The following SCARA5 variants were observed in gnomAD, a reference collection of about 807,000 sequenced individuals.
SCARA5 encodes the protein scavenger receptor class A, member 5 (putative).
A neutral mutation model predicts 46.3 loss-of-function variants in SCARA5; 45 were observed. The ratio of observed to expected loss-of-function variants is 0.97; its 90% CI spans 0.76 to 1.24. SCARA5 has a LOEUF of 1.24. Ranked by LOEUF, SCARA5 falls within the 50% of genes most tolerant of loss-of-function variation. The pLI is 0.00. For synonymous variants in SCARA5, 333 were observed against 306.5 expected (o/e 1.09, Z -0.90); for missense variants, 680 against 689.0 (o/e 0.99, Z 0.15).
At chr8:27,949,754 G>T (rs1225972856) in intron 3 of SCARA5, among the ~76,000 whole-genome samples, 4 of 152,226 alleles carry the variant, frequency 2.6e-5, no homozygotes, top group African/African-American at 9.6e-5. Context: ...CCCCTGCCTG[G>T]CAGTGTCTCA....
intron 2 of SCARA5, among the ~76,000 whole-genome samples, chr8:27,973,484 T>C (rs1808477372): frequency 1.3e-5 from 2 of 152,048 alleles, no homozygotes; most frequent in African/African-American, 4.8e-5. Flanking sequence ...CTCAAATAAA[T>C]AAATTAATTA....
chr8:27,871,706 T>A lies in SCARA5; in HGVS notation c.*228A>T, dbSNP rs1373720450. The A allele has an allele frequency of 1.4e-6, 2 of 1,390,222 alleles. No individual in the cohort carries two copies. Among genetic ancestry groups the A allele is most frequent in the Non-Finnish European group, 1.9e-6 (2 of 1,072,440 alleles). The allele number at this position is 1,390,222 out of a possible 1,614,324, so 86.1% of individuals were successfully genotyped here. A position where few individuals can be genotyped will look rare whatever the true frequency, so the allele number is the denominator to read the frequency against. ...GATCAGGGCTCCTCATGCAGGAACC[T>A]GGTGGAAGAGAGAGACGGGCAGTAG... On this transcript the variant is annotated 3_prime_UTR_variant, in exon 9 of 9. Coordinates refer to ENST00000354914, the MANE Select transcript of SCARA5 (RefSeq NM_173833.6).
At chr8:27,982,126 A>G (rs1435108785) in intron 2 of SCARA5, among the ~76,000 whole-genome samples, 1 of 152,058 alleles carries the variant, frequency 6.6e-6, no homozygotes, top group Non-Finnish European at 1.5e-5. Context: ...TGTGTAACTC[A>G]TTACCCCCAG....
At chr8:27,987,968 G>A (rs765152781) in intron 1 of SCARA5, among the ~76,000 whole-genome samples, 8 of 152,204 alleles carry the variant, frequency 5.3e-5, no homozygotes, top group Non-Finnish European at 1.2e-4. Flanking sequence ...GTGGGGCCAG[G>A]AGGAGGGAAC....
chr8:27,946,940 T>TC (rs35171688), intron 3 of SCARA5, among the ~76,000 whole-genome samples: 42,625 of 151,776 alleles, frequency 0.28, 6,093 homozygotes, highest in East Asian at 0.36. Context: ...TTGTTTTTTT[T>TC]CACTGTTCTC....
In SCARA5 at chr8:27,950,827, G is replaced by A. The variant is rs761499439; in HGVS notation, c.241+15587C>T. 2.8e-4 allele frequency among the ~76,000 whole-genome samples: 42 copies of A among 148,540 alleles called. 1 individual carries two copies. In the Middle Eastern group the frequency reaches 0.014, roughly 49 times the overall value. ...ACAGCACCTCTGTACCCATTCAACCGATCGGAACGAGCTCTGTGACAAAAC... is the reference window on the plus strand; with the variant it reads ...ACAGCACCTCTGTACCCATTCAACCAATCGGAACGAGCTCTGTGACAAAAC... On this transcript the variant is annotated intron_variant, in intron 3 of 8. Transcript: ENST00000354914.
chr8:27,950,600 G>A (rs1808108744), intron 3 of SCARA5, among the ~76,000 whole-genome samples: 1 of 152,180 alleles, frequency 6.6e-6, no homozygotes, highest in Non-Finnish European at 1.5e-5. Flanking sequence ...TGACCCAGAA[G>A]GAGGGACATG....
chr8:27,951,061 A>G (rs192804671), intron 3 of SCARA5, among the ~76,000 whole-genome samples: 1 of 152,228 alleles, frequency 6.6e-6, no homozygotes, highest in Non-Finnish European at 1.5e-5. Context: ...TCCCCACTTT[A>G]CAGATAAGAA....
chr8:27,991,845 G>GCACACA, intron 1 of SCARA5, among the ~76,000 whole-genome samples: 1 of 150,194 alleles, frequency 6.7e-6, no homozygotes, highest in South Asian at 2.1e-4. Context: ...GCACAGACAT[G>GCACACA]CACACACACA....
chr8:27,976,555 G>A (rs1253347662), intron 2 of SCARA5, among the ~76,000 whole-genome samples: 1 of 152,068 alleles, frequency 6.6e-6, no homozygotes, highest in Non-Finnish European at 1.5e-5. Context: ...CCACCTCCTG[G>A]GTCCACTTTG....
At chr8:27,955,776 C>T (rs1035778755) in intron 3 of SCARA5, among the ~76,000 whole-genome samples, 1 of 152,224 alleles carries the variant, frequency 6.6e-6, no homozygotes, top group Non-Finnish European at 1.5e-5. Context: ...ATCTAAAATT[C>T]AAGTTACTGG....
At chr8:27,879,814 C>T (rs1264071733) in intron 7 of SCARA5, 48 bp from the exon 8 acceptor site, 2 of 1,587,350 alleles carry the variant, frequency 1.3e-6, no homozygotes, top group South Asian at 2.2e-5. Context: ...TACACCAGGA[C>T]CCGCCCCCAG....
At chr8:27,909,612 G>C (rs1370877219) in intron 5 of SCARA5, 51 bp downstream of exon 5, 1 of 1,279,742 alleles carries the variant, frequency 7.8e-7, no homozygotes, top group Non-Finnish European at 1.1e-6. Context: ...GTAGCGGGTA[G>C]AGATGGATTG....
At chr8:27,981,489 C>T (rs1477421667) in intron 2 of SCARA5, among the ~76,000 whole-genome samples, 2 of 152,218 alleles carry the variant, frequency 1.3e-5, no homozygotes, top group Non-Finnish European at 2.9e-5. Flanking sequence ...GGAGTAAGTG[C>T]TCCAGCTTCC....
intron 7 of SCARA5, among the ~76,000 whole-genome samples, chr8:27,883,845 A>G (rs1428375651): frequency 1.3e-5 from 2 of 152,212 alleles, no homozygotes; most frequent in African/African-American, 4.8e-5. Flanking sequence ...AACCTACTCA[A>G]GCCCTGCTAC....
intron 3 of SCARA5, among the ~76,000 whole-genome samples, chr8:27,950,071 G>A (rs1808099122): frequency 6.6e-6 from 1 of 152,162 alleles, no homozygotes; most frequent in African/African-American, 2.4e-5. Flanking sequence ...GGGGCTGAGA[G>A]CCTGGAAACG....
Position 27,922,028 on chromosome 8 carries a change from C to T in SCARA5, c.459G>A (p.Leu153=), listed in dbSNP as rs10103504. 0.6 allele frequency: 943,553 copies of T among 1,571,302 alleles called. 286,738 individuals are homozygous for T. Among genetic ancestry groups the T allele is most frequent in the Admixed American group, 0.74 (41,116 of 55,780 alleles). The change falls in exon 4 of 9, where the codon CTG becomes CTA. Residue 153 remains leucine, a synonymous_variant. Coordinates refer to ENST00000354914, the MANE Select transcript of SCARA5 (RefSeq NM_173833.6). ...AGAVQRLEGA[L]WGLQAQAVQT... is the part of the protein sequence containing the mutation. Reference sequence around the variant, plus strand: ...GCACCGCCTGCGCCTGCAGCCCCCACAGCGCGCCCTCCAGCCGCTGCACTG... The same window carrying T: ...GCACCGCCTGCGCCTGCAGCCCCCATAGCGCGCCCTCCAGCCGCTGCACTG...
chr8:27,879,420 G>A (rs1252280125), intron 8 of SCARA5, 149 bp downstream of exon 8: 1 of 699,578 alleles, frequency 1.4e-6, no homozygotes, highest in Non-Finnish European at 2.5e-6. Context: ...GCCTGGGGCG[G>A]GGCAGTGAGT....
chr8:27,932,780 C>A (rs1297308538), intron 3 of SCARA5, among the ~76,000 whole-genome samples: 1 of 152,254 alleles, frequency 6.6e-6, no homozygotes, highest in Non-Finnish European at 1.5e-5. Flanking sequence ...AGGCACCTGC[C>A]ACCATAGCCG....
Sources: gnomAD v4.1 joint callset for allele counts (sites outside exome capture counted in the v4.1 genomes callset) on GRCh38, gnomAD v4.1.1 for gene constraint, MANE v1.5 for transcripts, NCBI Gene and HGNC (gene_info 2026-07-23, HGNC 2026-07-21) for gene names.